TMC5: variants seen among roughly 807,000 people sequenced by gnomAD.
The protein encoded by TMC5 is transmembrane channel like 5, also known as transmembrane channel-like protein 5.
A neutral mutation model predicts 110.5 loss-of-function variants in TMC5; 86 were observed. The observed-to-expected ratio is 0.78, with a 90% CI of 0.65 to 0.93. The LOEUF is 0.93. Among genes scored for constraint, TMC5 ranks in the 40% least tolerant of loss-of-function variants. The pLI, the probability that TMC5 is intolerant of heterozygous loss-of-function variation, is 0.00. For synonymous variants in TMC5, 455 were observed against 439.5 expected (o/e 1.04, Z -0.44); for missense variants, 1,144 against 1,222.8 (o/e 0.94, Z 0.96).
At chr16:19,487,433 G>A (rs1968774260) in intron 17 of TMC5, 107 bp downstream of exon 17, 2 of 1,416,896 alleles carry the variant, frequency 1.4e-6, no homozygotes, top group Non-Finnish European at 1.9e-6. Context: ...CGGGTGCAGT[G>A]GCTCACGCCT....
At chr16:19,435,114 G>T (rs998134410) in intron 2 of TMC5, among the ~76,000 whole-genome samples, 1 of 152,100 alleles carries the variant, frequency 6.6e-6, no homozygotes, top group Non-Finnish European at 1.5e-5. Context: ...AAACCCTACC[G>T]CTTTTTTCAA....
intron 19 of TMC5, 118 bp from the exon 20 acceptor site, chr16:19,494,144 C>A: frequency 3.9e-6 from 3 of 771,642 alleles, no homozygotes; most frequent in Non-Finnish European, 4.3e-6. Flanking sequence ...CTCCATCCAA[C>A]TTCTAGGATC....
In TMC5 at chr16:19,488,109, G is replaced by A. The variant is rs138926527; in HGVS notation, c.2573+783G>A. Among the ~76,000 whole-genome samples the A allele has an allele frequency of 1.2e-3, 178 of 152,204 alleles. 1 individual carries two copies. The highest frequency in any genetic ancestry group is 3.4e-3 in the Middle Eastern group (1 of 294). Reference sequence around the variant, plus strand: ...AGAGCCTGATAAAGGGGGCGGTTGCGGGTGTGGGATCTGGATTGGTTGGTT... The same window carrying A: ...AGAGCCTGATAAAGGGGGCGGTTGCAGGTGTGGGATCTGGATTGGTTGGTT... On this transcript the variant is annotated intron_variant, in intron 17 of 21. Transcript: ENST00000542583.
upstream of TMC5, among the ~76,000 whole-genome samples, chr16:19,415,295 G>A (rs994529903): frequency 2.0e-5 from 3 of 152,192 alleles, no homozygotes; most frequent in African/African-American, 7.2e-5. Context: ...CCACGCAATG[G>A]AGAGCGAGGA....
intron 6 of TMC5, chr16:19,462,357 T>A (rs1455662559): frequency 1.8e-6 from 1 of 570,814 alleles, no homozygotes; most frequent in African/African-American, 1.9e-5. Flanking sequence ...CCAGAAAAGT[T>A]TCCAGACATT....
chr16:19,487,072 C>T, intron 16 of TMC5, 52 bp downstream of exon 16: 4 of 1,610,140 alleles, frequency 2.5e-6, no homozygotes, highest in African/African-American at 1.3e-5. Context: ...CACCTGTGAC[C>T]TGGTGGCGCT....
intron 21 of TMC5, among the ~76,000 whole-genome samples, 195 bp downstream of exon 21, chr16:19,497,358 C>T (rs1969082909): frequency 6.6e-6 from 1 of 152,224 alleles, no homozygotes. Flanking sequence ...GTCACCAGAA[C>T]CCGGTTTCTT....
chr16:19,466,033 C>T, intron 8 of TMC5, 49 bp from the exon 9 acceptor site: 1 of 1,595,928 alleles, frequency 6.3e-7, no homozygotes. Context: ...AATCGTTTAC[C>T]TTTTTTTTCA....
chr16:19,464,698 A>G (rs896590454), intron 8 of TMC5, among the ~76,000 whole-genome samples: 2 of 152,008 alleles, frequency 1.3e-5, no homozygotes, highest in East Asian at 1.9e-4. Context: ...TTATAGATCT[A>G]TGTTTTCTTT....
At chr16:19,422,727 G>A (rs1967012057) in intron 1 of TMC5, among the ~76,000 whole-genome samples, 1 of 152,204 alleles carries the variant, frequency 6.6e-6, no homozygotes, top group Admixed American at 6.5e-5. Flanking sequence ...TTGGGGGGCC[G>A]AGGTGGGTGG....
Position 19,490,500 on chromosome 16 carries a change from G to T in TMC5, c.2679G>T (p.Trp893Cys), listed in dbSNP as rs1968859469. The change falls in exon 18 of 22, where the codon TGG becomes TGT. Residue 893 changes from tryptophan (W) to cysteine (C), a missense_variant. Physicochemically the swap from Trp to Cys is radical, Grantham distance 215 (BLOSUM62 -2). Coordinates refer to ENST00000542583, the MANE Select transcript of TMC5 (RefSeq NM_001261841.2). ...DTLSTRPGYL[W>C]VVWIYRNLIG... ...TAAGTACACGGCCTGGCTACCTGTGGGTTGTTTGGATCTATCGGAACCTCA... is the reference window on the plus strand; with the variant it reads ...TAAGTACACGGCCTGGCTACCTGTGTGTTGTTTGGATCTATCGGAACCTCA... The T allele has an allele frequency of 1.2e-6, 2 of 1,613,974 alleles. No individual in the cohort carries two copies. Among genetic ancestry groups the T allele is most frequent in the South Asian group, 2.2e-5 (2 of 91,092 alleles).
At chr16:19,487,132 C>A in intron 16 of TMC5, 61 bp from the exon 17 acceptor site, 1 of 1,604,320 alleles carries the variant, frequency 6.2e-7, no homozygotes, top group South Asian at 1.1e-5. Flanking sequence ...CCAGGCCTGG[C>A]TGGGGTCCCT....
At chr16:19,487,158 C>T (rs369120300) in intron 16 of TMC5, 35 bp from the exon 17 acceptor site, 43 of 1,604,870 alleles carry the variant, frequency 2.7e-5, no homozygotes, top group Non-Finnish European at 7.7e-6. Flanking sequence ...GCTGCTCCGG[C>T]TGCAGATGGG....
At chr16:19,441,129 C>G (rs1189343777) in intron 3 of TMC5, among the ~76,000 whole-genome samples, 1 of 152,090 alleles carries the variant, frequency 6.6e-6, no homozygotes, top group Non-Finnish European at 1.5e-5. Context: ...CTGTTTTGAC[C>G]CTGCTACGTA....
Position 19,495,376 on chromosome 16 carries a change from C to T in TMC5, c.2931+1010C>T, listed in dbSNP as rs9921185. The stretch of plus-strand genomic sequence containing the variant: ...GCATCTGCAAACATACCTGTATCTA[C>T]CAACACTTTAATTTACTTGTTTATT... On this transcript the variant is annotated intron_variant, in intron 20 of 21. Transcript: ENST00000542583. Among the ~76,000 whole-genome samples, 621 of 152,150 alleles carry T rather than the reference C, an allele frequency of 4.1e-3. 7 individuals are homozygous for T. The highest frequency in any genetic ancestry group is 0.014 in the African/African-American group (594 of 41,504).
At chr16:19,425,769 C>T (rs949905692) in intron 1 of TMC5, among the ~76,000 whole-genome samples, 8 of 152,202 alleles carry the variant, frequency 5.3e-5, no homozygotes, top group African/African-American at 1.9e-4. Context: ...TTACTGCAAC[C>T]TCTGCCTTCC....
chr16:19,440,119 G>A lies in TMC5; in HGVS notation c.81G>A (p.Gln27=). 6.2e-7 allele frequency: 1 copy of A among 1,614,098 alleles called. No homozygotes were observed. Among genetic ancestry groups the A allele is most frequent in the African/African-American group, 1.3e-5 (1 of 75,014 alleles). The change falls in exon 3 of 22, where the codon CAG becomes CAA. Residue 27 remains glutamine (Q), a synonymous_variant. Coordinates refer to ENST00000542583, the MANE Select transcript of TMC5 (RefSeq NM_001261841.2). ...ATTCAGGGTCTCAGAACCGTACGCA[G>A]GGGTATTTGAAAACTCAAGGTTATC... ...PDYSGSQNRT[Q]GYLKTQGYPD... is the part of the protein sequence containing the mutation.
chr16:19,470,923 C>T (rs1968324571), intron 10 of TMC5, among the ~76,000 whole-genome samples: 1 of 151,818 alleles, frequency 6.6e-6, no homozygotes, highest in Admixed American at 6.6e-5. Context: ...GTAATCCCAG[C>T]TACTCAGGAG....
rs1391636102 is a variant in TMC5, at chr16:19,463,949, C to CA, written c.1411dup (p.Ile471AsnfsTer29). ...TCTCATTCATCCTGAACTTCAGCTTCATCATAATCCCTCAGTTTACCGTGG... is the reference window on the plus strand; with the variant it reads ...TCTCATTCATCCTGAACTTCAGCTTCAATCATAATCCCTCAGTTTACCGTGG... On this transcript the variant is annotated frameshift_variant, in exon 8 of 22. Coordinates refer to ENST00000542583, the MANE Select transcript of TMC5 (RefSeq NM_001261841.2). LOFTEE classifies it high-confidence loss of function. 1 of 1,614,060 alleles carries CA rather than the reference C, an allele frequency of 6.2e-7. No homozygotes were observed. Among genetic ancestry groups the CA allele is most frequent in the Non-Finnish European group, 8.5e-7 (1 of 1,180,042 alleles).
Sources: gnomAD v4.1 joint callset for allele counts (sites outside exome capture counted in the v4.1 genomes callset) on GRCh38, gnomAD v4.1.1 for gene constraint, MANE v1.5 for transcripts, NCBI Gene and HGNC (gene_info 2026-07-23, HGNC 2026-07-21) for gene names.